ST8SIA6: variants seen among roughly 807,000 people sequenced by gnomAD.
ST8SIA6 encodes the protein alpha-2,8-sialyltransferase 8F.
In ST8SIA6, 39 loss-of-function variants were observed where a neutral mutation model predicts 33.6. That is an observed-to-expected ratio of 1.16 (90% CI 0.90 to 1.52). ST8SIA6 has a LOEUF of 1.52. Among genes scored for constraint, ST8SIA6 ranks in the 40% most tolerant of loss-of-function variants. The pLI is 0.00. For synonymous variants in ST8SIA6, 172 were observed against 167.2 expected (o/e 1.03, Z -0.22); for missense variants, 441 against 443.8 (o/e 0.99, Z 0.06).
chr10:17,413,119 C>CT (rs965577871), intron 2 of ST8SIA6, among the ~76,000 whole-genome samples: 10 of 152,112 alleles, frequency 6.6e-5, no homozygotes, highest in African/African-American at 1.2e-4. Flanking sequence ...TAAAACACCT[C>CT]TTTTTCAACT....
chr10:17,406,138 A>C (rs1280436732), intron 2 of ST8SIA6, among the ~76,000 whole-genome samples: 1 of 152,166 alleles, frequency 6.6e-6, no homozygotes, highest in African/African-American at 2.4e-5. Context: ...TTTTGAGCTA[A>C]AGGCAATTAA....
At chr10:17,390,799 G>GAAA (rs60135551) in intron 2 of ST8SIA6, among the ~76,000 whole-genome samples, 179 bp from the exon 3 acceptor site, 14 of 139,458 alleles carry the variant, frequency 1.0e-4, no homozygotes, top group African/African-American at 2.9e-4. Flanking sequence ...GGGTCTAAAT[G>GAAA]AAAAAAAAAA....
At chr10:17,407,582 G>T (rs1366139984) in intron 2 of ST8SIA6, among the ~76,000 whole-genome samples, 1 of 152,186 alleles carries the variant, frequency 6.6e-6, no homozygotes, top group African/African-American at 2.4e-5. Context: ...AGATTTGAGA[G>T]CTGTTCTCCC....
chr10:17,321,569 C>G (rs1444489825), intron 7 of ST8SIA6, among the ~76,000 whole-genome samples: 1 of 152,144 alleles, frequency 6.6e-6, no homozygotes. Context: ...CTTTCAATTT[C>G]TACTTTCTTA....
intron 2 of ST8SIA6, among the ~76,000 whole-genome samples, chr10:17,416,253 C>T (rs1032023085): frequency 1.3e-5 from 2 of 152,124 alleles, no homozygotes; most frequent in Non-Finnish European, 2.9e-5. Context: ...GCTTCTCTTT[C>T]AAGCCTCTAA....
At chr10:17,373,594 T>A (rs1849803039) in intron 3 of ST8SIA6, among the ~76,000 whole-genome samples, 1 of 152,194 alleles carries the variant, frequency 6.6e-6, no homozygotes, top group African/African-American at 2.4e-5. Context: ...GATGGTCTTT[T>A]GGATGACAGT....
chr10:17,338,897 C>T (rs930188409), intron 4 of ST8SIA6, among the ~76,000 whole-genome samples: 6 of 152,138 alleles, frequency 3.9e-5, no homozygotes, highest in South Asian at 2.1e-4. Context: ...TGTACTGCAC[C>T]GAGTTCTAGA....
Position 17,323,088 on chromosome 10 carries a change from T to C in ST8SIA6, c.705A>G (p.Ile235Met). ...ACTTCAGAGTTATGATGCTTGGATT[T>C]ATAGTCACAAGATTTGTTTTACTGC... is the stretch of plus-strand genomic sequence containing the variant. ...DVGSKTNLVT[I>M]NPSIITLKYG... is the part of the protein sequence containing the mutation. The change falls in exon 7 of 8, where the codon ATA becomes ATG. Residue 235 changes from isoleucine to methionine, a missense_variant. Physicochemically the swap from Ile to Met is conservative, Grantham distance 10 (BLOSUM62 1). Transcript: ENST00000377602. 1 of 1,613,696 alleles carries C rather than the reference T, an allele frequency of 6.2e-7. No homozygotes were observed.
intron 3 of ST8SIA6, among the ~76,000 whole-genome samples, chr10:17,368,769 G>C (rs1259051005): frequency 6.6e-6 from 1 of 152,120 alleles, no homozygotes; most frequent in African/African-American, 2.4e-5. Context: ...GAAAGAAATT[G>C]TAAAGGCTGG....
At chr10:17,422,778 T>G (rs1451532996) in intron 2 of ST8SIA6, among the ~76,000 whole-genome samples, 1 of 152,248 alleles carries the variant, frequency 6.6e-6, no homozygotes, top group Non-Finnish European at 1.5e-5. Flanking sequence ...CTGGAATGAC[T>G]GGGTTTCACT....
intron 2 of ST8SIA6, among the ~76,000 whole-genome samples, chr10:17,407,053 A>G (rs937219691): frequency 3.9e-5 from 6 of 152,012 alleles, no homozygotes; most frequent in African/African-American, 1.2e-4. Context: ...TGGCCTCTCA[A>G]AGTGTTGGCA....
intron 3 of ST8SIA6, among the ~76,000 whole-genome samples, chr10:17,378,173 T>G (rs1487894307): frequency 6.6e-6 from 1 of 152,176 alleles, no homozygotes; most frequent in East Asian, 1.9e-4. Context: ...CATGGGGGTA[T>G]GGGCACCCGG....
intron 3 of ST8SIA6, among the ~76,000 whole-genome samples, chr10:17,363,064 T>C (rs1287080283): frequency 6.6e-6 from 1 of 152,220 alleles, no homozygotes; most frequent in Non-Finnish European, 1.5e-5. Flanking sequence ...TAAACTATTC[T>C]GAATAAGCTC....
chr10:17,323,235 A>C, intron 6 of ST8SIA6, 78 bp from the exon 7 acceptor site: 1 of 444,592 alleles, frequency 2.2e-6, no homozygotes, highest in Non-Finnish European at 3.8e-6. Context: ...GCGCGCACAC[A>C]CACACACACA....
At chr10:17,388,969 A>G (rs1850480850) in intron 3 of ST8SIA6, among the ~76,000 whole-genome samples, 1 of 152,092 alleles carries the variant, frequency 6.6e-6, no homozygotes, top group Admixed American at 6.6e-5. Flanking sequence ...TACCATCACT[A>G]TTGTAAAACC....
intron 3 of ST8SIA6, among the ~76,000 whole-genome samples, chr10:17,368,358 G>C (rs1360183399): frequency 7.5e-6 from 1 of 133,342 alleles, no homozygotes; most frequent in African/African-American, 2.8e-5. Flanking sequence ...AGTGAGCTGA[G>C]ATCGCACCAT....
intron 4 of ST8SIA6, among the ~76,000 whole-genome samples, chr10:17,350,294 T>C (rs1848987416): frequency 6.6e-6 from 1 of 152,168 alleles, no homozygotes; most frequent in African/African-American, 2.4e-5. Context: ...CAAAGCATCT[T>C]TGAGTATTTA....
intron 4 of ST8SIA6, among the ~76,000 whole-genome samples, chr10:17,342,076 T>G (rs1176953769): frequency 6.6e-6 from 1 of 152,120 alleles, no homozygotes; most frequent in African/African-American, 2.4e-5. Context: ...AGCCACCCTG[T>G]CTATGCCATT....
chr10:17,360,994 A>AAGAATCAACC lies in ST8SIA6; in HGVS notation c.291-1404_291-1395dup, dbSNP rs1849368437. On this transcript the variant is annotated intron_variant, in intron 3 of 7. Coordinates refer to ENST00000377602, the MANE Select transcript of ST8SIA6 (RefSeq NM_001004470.3). ...GAAGAAGGAGAAGAAGAGGGAGAAGAAGAATCAACCAATCCACATGTTGTC... is the reference window on the plus strand; with the variant it reads ...GAAGAAGGAGAAGAAGAGGGAGAAGAAGAATCAACCAGAATCAACCAATCCACATGTTGTC... Among the ~76,000 whole-genome samples, 4 of 152,118 alleles carry AAGAATCAACC rather than the reference A, an allele frequency of 2.6e-5. No homozygotes were observed. The South Asian group carries it at 8.3e-4, about 32-fold the overall frequency.
Sources: allele counts gnomAD v4.1 joint callset (sites outside exome capture counted in the v4.1 genomes callset), GRCh38; gene constraint gnomAD v4.1.1; transcripts MANE v1.5; gene names NCBI Gene and HGNC (gene_info 2026-07-23, HGNC 2026-07-21).